RAD51B: variants seen among roughly 807,000 people sequenced by gnomAD.
The protein encoded by RAD51B is DNA repair protein RAD51 homolog 2.
A neutral mutation model predicts 42.2 loss-of-function variants in RAD51B; 38 were observed. That is an observed-to-expected ratio of 0.90 (90% CI 0.70 to 1.18). The LOEUF (loss-of-function observed/expected upper bound fraction) is 1.18. Among genes scored for constraint, RAD51B ranks in the 50% most tolerant of loss-of-function variants. The probability of loss-of-function intolerance (pLI) is 0.00; values close to 1 mark genes in which losing one functional copy is unlikely to be tolerated. For synonymous variants in RAD51B, 154 were observed against 145.2 expected (o/e 1.06, Z -0.43); for missense variants, 373 against 400.7 (o/e 0.93, Z 0.59).
chr14:68,087,170 A>G (rs1311545401), intron 7 of RAD51B, among the ~76,000 whole-genome samples: 1 of 151,542 alleles, frequency 6.6e-6, no homozygotes, highest in Non-Finnish European at 1.5e-5. Flanking sequence ...GATGCCTGTG[A>G]CAGCCCATAC....
rs560261256 is a variant in RAD51B, at chr14:68,528,899, T to G, written c.1036+60649T>G. 5.1e-4 allele frequency among the ~76,000 whole-genome samples: 77 copies of G among 152,338 alleles called. No homozygotes were observed. In the South Asian group the frequency reaches 8.5e-3, roughly 17 times the overall value. ...TAAGAAAACTAAGAATCAAACAAGT[T>G]AGATAACTTGCTCCCAGTCTCTCAG... On this transcript the variant is annotated intron_variant, in intron 10 of 10. Coordinates refer to the RAD51B transcript ENST00000487270.
chr14:68,119,818 C>A lies in RAD51B; in HGVS notation c.757-172066C>A, dbSNP rs867862857. The stretch of plus-strand genomic sequence containing the variant: ...CTTTATAGCAGCATGATTTATAGTC[C>A]TTTGGGTATATACCCAGTAATGGGA... On this transcript the variant is annotated intron_variant, in intron 7 of 10. Transcript: ENST00000471583. Among the ~76,000 whole-genome samples, 1,302 of 149,758 alleles carry A rather than the reference C, an allele frequency of 8.7e-3. 7 individuals carry two copies. The highest frequency in any genetic ancestry group is 0.012 in the Non-Finnish European group (785 of 67,392).
intron 2 of RAD51B, among the ~76,000 whole-genome samples, chr14:67,824,832 A>G (rs976447253): frequency 5.3e-5 from 8 of 151,804 alleles, no homozygotes; most frequent in Admixed American, 5.3e-4. Flanking sequence ...TAATCCCAGC[A>G]CTTTGGGAGG....
exon 11 of RAD51B, chr14:68,611,020 G>A (rs1566954636): frequency 1.4e-6 from 1 of 703,038 alleles, no homozygotes; most frequent in African/African-American, 1.7e-5. Context: ...TAGAACTGTG[G>A]CCAGAGTCAG....
At chr14:68,039,901 T>C (rs528894846) in intron 7 of RAD51B, among the ~76,000 whole-genome samples, 1 of 152,334 alleles carries the variant, frequency 6.6e-6, no homozygotes, top group African/African-American at 2.4e-5. Context: ...GGTGTTACAC[T>C]ACTTTTGTGG....
chr14:68,088,960 G>A (rs2077045584), intron 7 of RAD51B, among the ~76,000 whole-genome samples: 1 of 152,104 alleles, frequency 6.6e-6, no homozygotes, highest in South Asian at 2.1e-4. Context: ...AGGGATCAGA[G>A]CTCATGTCCT....
chr14:68,005,045 G>GTTTTTTTT (rs753867497), intron 7 of RAD51B, among the ~76,000 whole-genome samples: 18 of 79,498 alleles, frequency 2.3e-4, no homozygotes, highest in African/African-American at 5.3e-4. Context: ...GTGTGTGTGT[G>GTTTTTTTT]TTTTTTTTTT....
intron 10 of RAD51B, among the ~76,000 whole-genome samples, chr14:68,632,528 G>A (rs1349317402): frequency 6.6e-6 from 1 of 152,200 alleles, no homozygotes; most frequent in East Asian, 1.9e-4. Context: ...GAGGCCGGGA[G>A]CTCCGGATCG....
intron 9 of RAD51B, among the ~76,000 whole-genome samples, chr14:68,430,855 T>G (rs1276849628): frequency 2.0e-5 from 3 of 152,076 alleles, no homozygotes; most frequent in Non-Finnish European, 4.4e-5. Flanking sequence ...GCTTCCAGTT[T>G]TTGCCCATTC....
intron 10 of RAD51B, among the ~76,000 whole-genome samples, chr14:68,650,520 T>C (rs902356816): frequency 6.6e-6 from 1 of 152,150 alleles, no homozygotes; most frequent in African/African-American, 2.4e-5. Flanking sequence ...TAGAGTGAGA[T>C]CTATCTACCC....
chr14:67,940,023 C>CAGATATATATATAT (rs1408534826), intron 7 of RAD51B, among the ~76,000 whole-genome samples: 1 of 34,324 alleles, frequency 2.9e-5, no homozygotes, highest in Non-Finnish European at 5.0e-5. Context: ...TTGATAGATG[C>CAGATATATATATAT]ATATATATAT....
At chr14:68,013,096 G>C (rs1036360375) in intron 7 of RAD51B, among the ~76,000 whole-genome samples, 2 of 152,072 alleles carry the variant, frequency 1.3e-5, no homozygotes, top group Non-Finnish European at 2.9e-5. Context: ...TTTGAGGCTG[G>C]AACCTCAAAG....
chr14:68,541,198 T>G (rs1196648578), intron 10 of RAD51B: 2 of 985,314 alleles, frequency 2.0e-6, no homozygotes, highest in Middle Eastern at 5.2e-4. Context: ...TGCAGATCCT[T>G]TCTCTGCTCA....
At chr14:68,124,015 C>G (rs2077705666) in intron 7 of RAD51B, among the ~76,000 whole-genome samples, 1 of 152,144 alleles carries the variant, frequency 6.6e-6, no homozygotes, top group South Asian at 2.1e-4. Flanking sequence ...CCTGGACTCT[C>G]TGTGCATCAG....
At chr14:68,448,522 T>G (rs1468853339) in intron 9 of RAD51B, among the ~76,000 whole-genome samples, 2 of 152,240 alleles carry the variant, frequency 1.3e-5, no homozygotes, top group Admixed American at 1.3e-4. Flanking sequence ...AAGCCAGTAC[T>G]TGGAACATAG....
intron 3 of RAD51B, among the ~76,000 whole-genome samples, chr14:67,834,642 C>T (rs764776009): frequency 3.1e-4 from 47 of 152,140 alleles, no homozygotes; most frequent in Non-Finnish European, 6.3e-4. Context: ...TCTCTTGCTT[C>T]TTGACCTTTC....
In RAD51B at chr14:68,327,126, T is replaced by C. The variant is rs1291949697; in HGVS notation, c.853+35146T>C. Among the ~76,000 whole-genome samples the C allele has an allele frequency of 4.6e-5, 7 of 152,322 alleles. 1 individual carries two copies. The East Asian group carries it at 5.8e-4, about 13-fold the overall frequency. On this transcript the variant is annotated intron_variant, in intron 8 of 10. Coordinates refer to ENST00000471583, the MANE Select transcript of RAD51B (RefSeq NM_133510.4). ...CAGGAAGATATCCAGCAAACATGTT[T>C]CACACTTGATTTTAGAGGTAAGGGT...
intron 7 of RAD51B, among the ~76,000 whole-genome samples, chr14:67,931,500 C>CTTTTTTT (rs539507230): frequency 8.5e-6 from 1 of 117,574 alleles, no homozygotes; most frequent in Non-Finnish European, 1.8e-5. Context: ...TCTGGGATTT[C>CTTTTTTT]TTTTTTTTTT....
At chr14:68,576,447 C>T (rs932959302) in intron 10 of RAD51B, among the ~76,000 whole-genome samples, 1 of 152,232 alleles carries the variant, frequency 6.6e-6, no homozygotes, top group Admixed American at 6.5e-5. Flanking sequence ...AGAAGTAAAG[C>T]CCCCACTAGA....
Sources: gnomAD v4.1 joint callset for allele counts (sites outside exome capture counted in the v4.1 genomes callset) on GRCh38, gnomAD v4.1.1 for gene constraint, MANE v1.5 for transcripts, NCBI Gene and HGNC (gene_info 2026-07-23, HGNC 2026-07-21) for gene names.